GCN1: variants seen among roughly 807,000 people sequenced by gnomAD.
GCN1 encodes the protein GCN1 activator of EIF2AK4, also known as stalled ribosome sensor GCN1.
In GCN1, 90 loss-of-function variants were observed where a neutral mutation model predicts 288.4. That is an observed-to-expected ratio of 0.31 (90% CI 0.26 to 0.37). GCN1 has a LOEUF of 0.37. Ranked by LOEUF, GCN1 falls within the 10% of genes least tolerant of loss-of-function variation. The pLI, the probability that GCN1 is intolerant of heterozygous loss-of-function variation, is 1.00. For synonymous variants in GCN1, 1,386 were observed against 1,420.2 expected (o/e 0.98, Z 0.54); for missense variants, 2,586 against 3,419.9 (o/e 0.76, Z 6.08).
Position 120,189,353 on chromosome 12 carries a change from G to A in GCN1, c.121+945C>T, listed in dbSNP as rs561320661. 2.7e-5 allele frequency among the ~76,000 whole-genome samples: 4 copies of A among 150,932 alleles called. No homozygotes were observed. In the South Asian group the frequency reaches 6.3e-4, roughly 24 times the overall value. ...CCCAAACTGTTGGGATTACAGGCGTGAGCCACCACACCCAGGCTTTTTTTT... is the reference window on the plus strand; with the variant it reads ...CCCAAACTGTTGGGATTACAGGCGTAAGCCACCACACCCAGGCTTTTTTTT... On this transcript the variant is annotated intron_variant, in intron 2 of 57. Coordinates refer to ENST00000300648, the MANE Select transcript of GCN1 (RefSeq NM_006836.2).
At chr12:120,183,770 C>T (rs1225864133) in intron 4 of GCN1, 93 bp from the exon 5 acceptor site, 3 of 747,110 alleles carry the variant, frequency 4.0e-6, no homozygotes, top group East Asian at 5.1e-5. Context: ...ATGCAGGACC[C>T]TCCCTTCACC....
In GCN1 at chr12:120,164,432, A is replaced by G; in HGVS notation, c.1752T>C (p.Ala584=). The change falls in exon 18 of 58, where the codon GCT becomes GCC. Residue 584 remains alanine, a synonymous_variant. Transcript: ENST00000300648. ...ACAGCAGCTTCCGAACTGTCTGCTGAGCCTGCCTGCGGACGTGCCAGGTGC... is the reference window on the plus strand; with the variant it reads ...ACAGCAGCTTCCGAACTGTCTGCTGGGCCTGCCTGCGGACGTGCCAGGTGC... ...LSRTWHVRRQ[A]QQTVRKLLSS... The G allele has an allele frequency of 3.1e-6, 5 of 1,614,142 alleles. No individual in the cohort carries two copies. The highest frequency in any genetic ancestry group is 4.2e-6 in the Non-Finnish European group (5 of 1,179,996).
At chr12:120,165,028 C>CACACACAT (rs1878066604) in intron 16 of GCN1, among the ~76,000 whole-genome samples, 5 of 143,928 alleles carry the variant, frequency 3.5e-5, no homozygotes, top group East Asian at 2.0e-4. Flanking sequence ...CACACACACA[C>CACACACAT]ACACACACAT....
chr12:120,133,763 C>T (rs754617127), intron 53 of GCN1, among the ~76,000 whole-genome samples: 4 of 152,190 alleles, frequency 2.6e-5, no homozygotes, highest in Admixed American at 6.5e-5. Flanking sequence ...GCTTACTTGC[C>T]TCATCTATAA....
chr12:120,175,981 C>T, intron 10 of GCN1, 107 bp from the exon 11 acceptor site: 1 of 1,439,488 alleles, frequency 6.9e-7, no homozygotes, highest in Non-Finnish European at 9.6e-7. Context: ...TGTTTGCTCT[C>T]ATTCAAATAA....
At chr12:120,133,004 T>G (rs140591236) in intron 53 of GCN1, among the ~76,000 whole-genome samples, 338 of 152,364 alleles carry the variant, frequency 2.2e-3, no homozygotes, top group African/African-American at 6.9e-3. Context: ...CAATACTAAC[T>G]TTTGCTTGCA....
In GCN1 at chr12:120,128,595, CA is replaced by C. The variant is rs1876698151; in HGVS notation, c.7891-622del. Among the ~76,000 whole-genome samples the C allele has an allele frequency of 4.6e-5, 7 of 152,134 alleles. No homozygotes were observed. In the South Asian group the frequency reaches 1.2e-3, roughly 27 times the overall value. ...CGGTGATCCGCCCACCTTGGCCTCC[CA>C]AAAGTGCTGAGATTACAGGCGTGAG... On this transcript the variant is annotated intron_variant, in intron 57 of 57. Transcript: ENST00000300648.
chr12:120,177,897 A>C lies in GCN1; in HGVS notation c.661-145T>G, dbSNP rs140107523. 717 of 673,744 alleles carry C rather than the reference A, an allele frequency of 1.1e-3. 5 individuals are homozygous for C. The highest frequency in any genetic ancestry group is 7.9e-3 in the Admixed American group (340 of 42,846). The allele number at this position is 673,744 out of a possible 1,614,324, so 41.7% of individuals were successfully genotyped here. A position where few individuals can be genotyped will look rare whatever the true frequency, so the allele number is the denominator to read the frequency against. ...GTTAAGCATAGAGGTCCCACTGATC[A>C]CGCAACCCCACTTAAAACCCTTCCA... On this transcript the variant is annotated intron_variant, in intron 7 of 57. Transcript: ENST00000300648.
chr12:120,164,997 A>T (rs1469754248), intron 16 of GCN1, among the ~76,000 whole-genome samples: 1 of 66,882 alleles, frequency 1.5e-5, no homozygotes, highest in East Asian at 3.8e-4. Context: ...ATATATACAC[A>T]TATATACACA....
rs183538718 is a variant in GCN1 at position 120,134,866 on chromosome 12, G to A, written c.7009-140C>T. ...ATACAGGGCTGGGGACAGATAGCCC[G>A]TCAGAGAGGCCAAACACAGACAGGT... On this transcript the variant is annotated intron_variant, in intron 51 of 57. Coordinates refer to ENST00000300648, the MANE Select transcript of GCN1 (RefSeq NM_006836.2). The surrounding 1 kb of genome is among the most constrained non-coding windows in gnomAD (Gnocchi z 5.0). 894 of 694,370 alleles carry A rather than the reference G, an allele frequency of 1.3e-3. 4 individuals carry two copies. Among genetic ancestry groups the A allele is most frequent in the Non-Finnish European group, 1.5e-3 (600 of 405,734 alleles). The allele number at this position is 694,370 out of a possible 1,614,324, so 43.0% of individuals were successfully genotyped here.
rs776257620 is a variant in GCN1, at chr12:120,155,728, G to A, written c.3313-9C>T. 1.2e-6 allele frequency: 2 copies of A among 1,613,832 alleles called. No individual in the cohort carries two copies. Among genetic ancestry groups the A allele is most frequent in the Non-Finnish European group, 8.5e-7 (1 of 1,179,914 alleles). ...TGGAGTTCCATCAGCCCCTGGAAGG[G>A]GTGGGATTGGACCGTGTGAGGCATC... On this transcript the variant is annotated splice_polypyrimidine_tract_variant and intron_variant, in intron 28 of 57. Coordinates refer to ENST00000300648, the MANE Select transcript of GCN1 (RefSeq NM_006836.2). This position sits in a 1 kb window ranked among gnomAD's most constrained non-coding sequence, Gnocchi z 4.9.
At chr12:120,184,395 T>A (rs1594289571) in intron 3 of GCN1, 152 bp from the exon 4 acceptor site, 4 of 672,628 alleles carry the variant, frequency 5.9e-6, no homozygotes, top group South Asian at 1.9e-5. Flanking sequence ...AATAACTAGA[T>A]AAACTCACCT....
rs1381112515 is a variant in GCN1, at chr12:120,137,384, A to G, written c.6664-65T>C. On this transcript the variant is annotated intron_variant, in intron 49 of 57. Coordinates refer to ENST00000300648, the MANE Select transcript of GCN1 (RefSeq NM_006836.2). This position sits in a 1 kb window ranked among gnomAD's most constrained non-coding sequence, Gnocchi z 5.2. ...TCTCAAGACTGCTTCCAAAGAATATATGGGGAAAGCGTGGGCGGGAGTATA... is the reference window on the plus strand; with the variant it reads ...TCTCAAGACTGCTTCCAAAGAATATGTGGGGAAAGCGTGGGCGGGAGTATA... The G allele has an allele frequency of 1.4e-6, 2 of 1,460,784 alleles. No homozygotes were observed. The allele number at this position is 1,460,784 out of a possible 1,614,324, so 90.5% of individuals were successfully genotyped here. A position where few individuals can be genotyped will look rare whatever the true frequency, so the allele number is the denominator to read the frequency against.
chr12:120,184,365 T>C (rs979819426), intron 3 of GCN1, 122 bp from the exon 4 acceptor site: 19 of 808,772 alleles, frequency 2.3e-5, no homozygotes, highest in Admixed American at 7.8e-5. Flanking sequence ...TTCCAGTGGA[T>C]AACAGAGAAG....
At position 120,175,834 on chromosome 12, in the gene GCN1, A is replaced by G; in HGVS notation, c.954T>C (p.Ala318=). 1 of 1,613,288 alleles carries G rather than the reference A, an allele frequency of 6.2e-7. No homozygotes were observed. The highest frequency in any genetic ancestry group is 8.5e-7 in the Non-Finnish European group (1 of 1,179,758). Residue 318 remains alanine, a synonymous_variant, in exon 11 of 58, where the codon GCT becomes GCC. Coordinates refer to ENST00000300648, the MANE Select transcript of GCN1 (RefSeq NM_006836.2). ...KSNSPRLMDE[A]VLALRNLARQ... ...GTGCCAGGTTCCGCAGTGCCAGCAC[A>G]GCTTCATCCATCAGGCGGGGACTGT... is the stretch of plus-strand genomic sequence containing the variant.
intron 36 of GCN1, 133 bp downstream of exon 36, chr12:120,149,473 A>G: frequency 1.5e-6 from 1 of 646,236 alleles, no homozygotes; most frequent in African/African-American, 1.8e-5. Flanking sequence ...TCAAATTTTT[A>G]AAAAGGCAGA....
chr12:120,146,265 C>T (rs1014635804), intron 38 of GCN1, among the ~76,000 whole-genome samples: 7 of 61,316 alleles, frequency 1.1e-4, no homozygotes, highest in African/African-American at 3.5e-4. Context: ...GACTCCATCT[C>T]AAAAAAAAAA....
chr12:120,140,752 G>T, intron 45 of GCN1, 107 bp downstream of exon 45: 1 of 1,056,340 alleles, frequency 9.5e-7, no homozygotes. Context: ...CATCCCTGAG[G>T]GCAGCACAAA....
At chr12:120,168,595 T>C (rs1430960425) in intron 15 of GCN1, among the ~76,000 whole-genome samples, 1 of 152,192 alleles carries the variant, frequency 6.6e-6, no homozygotes, top group East Asian at 1.9e-4. Context: ...GACTCTGGCT[T>C]TCCCTGCCCT....
Sources: allele counts gnomAD v4.1 joint callset (sites outside exome capture counted in the v4.1 genomes callset), GRCh38; gene constraint gnomAD v4.1.1; non-coding constraint Gnocchi (gnomAD v3.1); transcripts MANE v1.5; gene names NCBI Gene and HGNC (gene_info 2026-07-23, HGNC 2026-07-21).